Variants in SLC8A1 observed in about 807,000 individuals in gnomAD.
SLC8A1 encodes the protein sodium/calcium exchanger 1.
Under a neutral mutation model 68.3 loss-of-function variants are expected in SLC8A1, and 18 were observed. The observed-to-expected ratio is 0.26, with a 90% CI of 0.18 to 0.39. The LOEUF is 0.39. Ranked by LOEUF, SLC8A1 falls within the 10% of genes least tolerant of loss-of-function variation. The pLI, the probability that SLC8A1 is intolerant of heterozygous loss-of-function variation, is 1.00. For missense variants in SLC8A1, 985 were observed against 1,156.7 expected (o/e 0.85, Z 2.15); for synonymous variants, 475 against 415.5 (o/e 1.14, Z -1.74).
intron 2 of SLC8A1, among the ~76,000 whole-genome samples, chr2:40,253,831 CAAAAA>C (rs61434245): frequency 5.3e-3 from 318 of 59,848 alleles, no homozygotes; most frequent in Non-Finnish European, 7.3e-3. Flanking sequence ...TGTCTGTCTC[CAAAAA>C]AAAAAAAAAA....
chr2:40,321,071 C>T (rs528504122), intron 2 of SLC8A1, among the ~76,000 whole-genome samples: 6 of 152,080 alleles, frequency 3.9e-5, no homozygotes, highest in Non-Finnish European at 8.8e-5. Flanking sequence ...TTCGATTTGG[C>T]TCTGTATATT....
chr2:40,252,332 G>T (rs1048209886), intron 2 of SLC8A1, among the ~76,000 whole-genome samples: 1 of 151,840 alleles, frequency 6.6e-6, no homozygotes, highest in African/African-American at 2.4e-5. Flanking sequence ...TAGTACATTT[G>T]TATTTTGATT....
intron 1 of SLC8A1, among the ~76,000 whole-genome samples, chr2:40,465,714 G>T (rs1416893745): frequency 6.6e-6 from 1 of 152,082 alleles, no homozygotes; most frequent in Non-Finnish European, 1.5e-5. Context: ...TCAGAATAAG[G>T]TGCGATAGCG....
At chr2:40,157,377 C>G (rs942008921) in intron 6 of SLC8A1, among the ~76,000 whole-genome samples, 1 of 152,100 alleles carries the variant, frequency 6.6e-6, no homozygotes, top group Non-Finnish European at 1.5e-5. Flanking sequence ...CTGGAGTCAT[C>G]CAGGGAGGTT....
intron 2 of SLC8A1, among the ~76,000 whole-genome samples, chr2:40,184,240 C>T (rs56092525): frequency 0.12 from 17,886 of 152,062 alleles, 1,142 homozygotes; most frequent in African/African-American, 0.13. Context: ...TTCTAATATG[C>T]AGCCAGGGCT....
In SLC8A1 at chr2:40,451,828, C is replaced by A. The variant is rs934360490; in HGVS notation, c.-25+76G>T. The A allele has an allele frequency of 2.6e-5, 4 of 153,496 alleles. No individual in the cohort carries two copies. In the Admixed American group the frequency reaches 2.6e-4, roughly 10 times the overall value. 9.5% of individuals were successfully genotyped at this position (153,496 alleles called of 1,614,324 possible). On this transcript the variant is annotated intron_variant, in intron 1 of 7. Coordinates refer to ENST00000406785, the Ensembl canonical transcript of SLC8A1. ...TTTGCCAAAGCAGAGGGAAGTGTAG[C>A]CTTATGAGCAGCAAATGGAAAATAG...
At chr2:40,371,635 T>C (rs1202694389) in intron 2 of SLC8A1, among the ~76,000 whole-genome samples, 2 of 152,160 alleles carry the variant, frequency 1.3e-5, no homozygotes, top group Admixed American at 1.3e-4. Context: ...TAGCTCTTGC[T>C]ATTATGAGAT....
chr2:40,261,253 A>G (rs940137901), intron 2 of SLC8A1, among the ~76,000 whole-genome samples: 1 of 152,150 alleles, frequency 6.6e-6, no homozygotes, highest in East Asian at 1.9e-4. Context: ...GAAACTGGGG[A>G]AGCCCAGGCC....
intron 2 of SLC8A1, among the ~76,000 whole-genome samples, chr2:40,238,750 A>T (rs1006523110): frequency 1.3e-5 from 2 of 152,164 alleles, no homozygotes; most frequent in Non-Finnish European, 2.9e-5. Context: ...TATATAAATT[A>T]ACTCAAGTAT....
At chr2:40,115,714 G>C in intron 7 of SLC8A1, 85 bp from the exon 11 acceptor site, 1 of 1,504,198 alleles carries the variant, frequency 6.6e-7, no homozygotes, top group Non-Finnish European at 8.9e-7. Context: ...GTGTACTCTA[G>C]GACCCAACCC....
rs72953153 is a variant in SLC8A1, at chr2:40,465,693, G to A, written c.-24-35389C>T. Among the ~76,000 whole-genome samples the A allele has an allele frequency of 7.4e-3, 1,132 of 152,128 alleles. 16 individuals carry two copies. The highest frequency in any genetic ancestry group is 0.025 in the African/African-American group (1,037 of 41,500). On this transcript the variant is annotated intron_variant, in intron 1 of 7. Transcript: ENST00000402441. ...TATATACATGGAATATGTTATATTC[G>A]TAATTTTATTTCAGAATAAGGTGCG...
intron 2 of SLC8A1, among the ~76,000 whole-genome samples, chr2:40,257,904 A>AGAT (rs148413792): frequency 0.041 from 6,238 of 152,318 alleles, 165 homozygotes; most frequent in Non-Finnish European, 0.064. Context: ...CCCGCAGCAA[A>AGAT]GATAGATAAT....
chr2:40,320,641 C>T (rs1016317149), intron 2 of SLC8A1, among the ~76,000 whole-genome samples: 6 of 152,122 alleles, frequency 3.9e-5, no homozygotes, highest in African/African-American at 1.4e-4. Flanking sequence ...GCGTGTCTCA[C>T]TGTTAAGAAA....
chr2:40,235,524 A>G (rs2060249514), intron 2 of SLC8A1, among the ~76,000 whole-genome samples: 2 of 151,668 alleles, frequency 1.3e-5, no homozygotes, highest in Admixed American at 1.3e-4. Flanking sequence ...TGGTCTATCA[A>G]TTTTGTTGAT....
chr2:40,335,537 T>C (rs1455528835), intron 2 of SLC8A1, among the ~76,000 whole-genome samples: 1 of 152,246 alleles, frequency 6.6e-6, no homozygotes, highest in Admixed American at 6.5e-5. Context: ...AACTAACTTC[T>C]TTTAAGAAAT....
chr2:40,420,342 G>C (rs1269169698), intron 2 of SLC8A1, among the ~76,000 whole-genome samples: 3 of 145,214 alleles, frequency 2.1e-5, no homozygotes, highest in African/African-American at 7.7e-5. Context: ...CATTAATTTG[G>C]ATTGTCTGGT....
At chr2:40,138,242 G>T (rs958370710) in intron 7 of SLC8A1, among the ~76,000 whole-genome samples, 1 of 152,212 alleles carries the variant, frequency 6.6e-6, no homozygotes, top group Non-Finnish European at 1.5e-5. Flanking sequence ...TGGTGAATTT[G>T]AGTAGAAAGA....
At chr2:40,212,915 G>C (rs901042592) in intron 2 of SLC8A1, among the ~76,000 whole-genome samples, 2 of 152,088 alleles carry the variant, frequency 1.3e-5, no homozygotes, top group Admixed American at 6.5e-5. Flanking sequence ...GTGTGTAGGG[G>C]GGTTGGGCAA....
chr2:40,380,438 A>T (rs1290662756), intron 2 of SLC8A1, among the ~76,000 whole-genome samples: 2 of 152,158 alleles, frequency 1.3e-5, no homozygotes, highest in Non-Finnish European at 1.5e-5. Flanking sequence ...TAGTCTTCAC[A>T]AGGAACTTTC....
Sources: allele counts gnomAD v4.1 joint callset (sites outside exome capture counted in the v4.1 genomes callset), GRCh38; gene constraint gnomAD v4.1.1; transcripts MANE v1.5; gene names NCBI Gene and HGNC (gene_info 2026-07-23, HGNC 2026-07-21).